SLC7A1: variants seen among roughly 807,000 people sequenced by gnomAD.
SLC7A1 encodes the protein solute carrier family 7 member 1.
A neutral mutation model predicts 53.9 loss-of-function variants in SLC7A1; 10 were observed. That is an observed-to-expected ratio of 0.19 (90% CI 0.11 to 0.31). The LOEUF (loss-of-function observed/expected upper bound fraction) is 0.31. SLC7A1 is among the 10% of genes least tolerant of loss of function. The probability of loss-of-function intolerance (pLI) is 1.00; values close to 1 mark genes in which losing one functional copy is unlikely to be tolerated. For missense variants in SLC7A1, 525 were observed against 827.2 expected, an observed-to-expected ratio of 0.63 and a Z score of 4.48; for synonymous variants, 342 against 338.7, an observed-to-expected ratio of 1.01 and a Z score of -0.11.
intron 6 of SLC7A1, 136 bp from the exon 7 acceptor site, chr13:29,523,624 T>C: frequency 1.5e-6 from 1 of 666,142 alleles, no homozygotes; most frequent in Non-Finnish European, 2.6e-6. Context: ...CTCAGCCCTG[T>C]GGGCACTGGG....
chr13:29,542,872 G>GGCCCCA (rs1869729847), intron 2 of SLC7A1, among the ~76,000 whole-genome samples: 1 of 152,062 alleles, frequency 6.6e-6, no homozygotes, highest in Non-Finnish European at 1.5e-5. Flanking sequence ...CACAGTGCAA[G>GGCCCCA]GCCCCAGTCT....
rs533871316 is a variant in SLC7A1 at position 29,589,568 on chromosome 13, G to A, written c.-115+5848C>T. ...GCCAGGTGCCTGGACTTGGGAGGGG[G>A]AAGACCCACTTTCAGAGACAGCAGA... On this transcript the variant is annotated intron_variant, in intron 1 of 12. Coordinates refer to ENST00000380752, the MANE Select transcript of SLC7A1 (RefSeq NM_003045.5). Among the ~76,000 whole-genome samples, 38 of 152,338 alleles carry A rather than the reference G, an allele frequency of 2.5e-4. 1 individual carries two copies. Among genetic ancestry groups the A allele is most frequent in the South Asian group, 1.0e-3 (5 of 4,826 alleles).
At position 29,543,479 on chromosome 13, in the gene SLC7A1, C is replaced by T. The variant is rs138680853; in HGVS notation, c.-14-7277G>A. On this transcript the variant is annotated intron_variant, in intron 2 of 12. Transcript: ENST00000380752. ...AGAAAGCCTGAGAGCCCTGCCTCCC[C>T]GCCACACGCTTCTGCCTACTGACTC... Among the ~76,000 whole-genome samples, 1,079 of 152,328 alleles carry T rather than the reference C, an allele frequency of 7.1e-3. 8 individuals are homozygous for T. Among genetic ancestry groups the T allele is most frequent in the African/African-American group, 0.024 (1,008 of 41,570 alleles).
intron 1 of SLC7A1, among the ~76,000 whole-genome samples, chr13:29,593,515 T>G (rs1285424670): frequency 2.0e-5 from 3 of 152,236 alleles, no homozygotes; most frequent in African/African-American, 7.2e-5. Context: ...TATTCACATT[T>G]CAAATTTGTC....
At chr13:29,590,171 G>A (rs1872049360) in intron 1 of SLC7A1, among the ~76,000 whole-genome samples, 1 of 152,094 alleles carries the variant, frequency 6.6e-6, no homozygotes, top group African/African-American at 2.4e-5. Flanking sequence ...GGTGGGTGTC[G>A]CCCACCACCC....
Position 29,550,554 on chromosome 13 carries a change from C to T in SLC7A1, c.-15+3207G>A, listed in dbSNP as rs1014033526. 1.2e-4 allele frequency among the ~76,000 whole-genome samples: 18 copies of T among 152,310 alleles called. 1 individual carries two copies. Among genetic ancestry groups the T allele is most frequent in the East Asian group, 1.9e-4 (1 of 5,180 alleles). On this transcript the variant is annotated intron_variant, in intron 2 of 12. Transcript: ENST00000380752. ...AGATGCAGGCAGCTGCTAGGAACTGCGAGTGGCCTCTGGGAGCTGACAGCA... is the reference window on the plus strand; with the variant it reads ...AGATGCAGGCAGCTGCTAGGAACTGTGAGTGGCCTCTGGGAGCTGACAGCA...
At chr13:29,516,976 TG>T in intron 11 of SLC7A1, 167 bp downstream of exon 11, 1 of 564,760 alleles carries the variant, frequency 1.8e-6, no homozygotes, top group Non-Finnish European at 3.0e-6. Flanking sequence ...TTCCAGGGTC[TG>T]GTCCTCTCTG....
chr13:29,592,115 T>TC (rs34299140), intron 1 of SLC7A1, among the ~76,000 whole-genome samples: 1 of 152,232 alleles, frequency 6.6e-6, no homozygotes, highest in East Asian at 1.9e-4. Context: ...TGGTCCCAAC[T>TC]CCCCTCAAAG....
intron 2 of SLC7A1, among the ~76,000 whole-genome samples, chr13:29,545,412 T>C (rs952013240): frequency 5.3e-5 from 8 of 152,002 alleles, no homozygotes; most frequent in African/African-American, 1.9e-4. Context: ...TAGGCCCAAA[T>C]TCATTGTGTT....
intron 1 of SLC7A1, chr13:29,586,653 T>C (rs891927746): frequency 6.6e-6 from 1 of 152,120 alleles, no homozygotes; most frequent in African/African-American, 2.4e-5. Flanking sequence ...AGAGACATCA[T>C]TAAATAGAAC....
intron 1 of SLC7A1, among the ~76,000 whole-genome samples, chr13:29,580,415 T>G (rs1161165033): frequency 3.1e-4 from 47 of 152,174 alleles, no homozygotes; most frequent in Non-Finnish European, 6.2e-4. Flanking sequence ...AGTGGCTTCA[T>G]AACTGCCTCC....
chr13:29,578,818 T>C (rs1220585139), intron 1 of SLC7A1, among the ~76,000 whole-genome samples: 1 of 152,268 alleles, frequency 6.6e-6, no homozygotes, highest in Non-Finnish European at 1.5e-5. Context: ...CAGACTTTAA[T>C]GAGTCCTCTT....
At chr13:29,570,860 A>T (rs1395539169) in intron 1 of SLC7A1, among the ~76,000 whole-genome samples, 3 of 129,046 alleles carry the variant, frequency 2.3e-5, no homozygotes, top group Admixed American at 7.3e-5. Flanking sequence ...TTTGTCTCAA[A>T]AAAAAAAAAA....
chr13:29,519,340 T>G, intron 9 of SLC7A1, 107 bp downstream of exon 9: 1 of 661,684 alleles, frequency 1.5e-6, no homozygotes. Flanking sequence ...AATGGAGCTA[T>G]CACCAACCTA....
chr13:29,586,034 A>G (rs1400592569), intron 1 of SLC7A1, among the ~76,000 whole-genome samples: 1 of 152,262 alleles, frequency 6.6e-6, no homozygotes, highest in Admixed American at 6.5e-5. Flanking sequence ...AGAGTAAGTA[A>G]GAAGAAGCTG....
At position 29,567,628 on chromosome 13, in the gene SLC7A1, T is replaced by TTG. The variant is rs1269696499; in HGVS notation, c.-114-13769_-114-13768insCA. Reference sequence around the variant, plus strand: ...AAGCTCCTGCCACACTCCTGGGTGTTTACAAGCTGCTGGGTACAACTCCCT... The same window carrying TTG: ...AAGCTCCTGCCACACTCCTGGGTGTTTGTACAAGCTGCTGGGTACAACTCCCT... On this transcript the variant is annotated intron_variant, in intron 1 of 12. Coordinates refer to ENST00000380752, the MANE Select transcript of SLC7A1 (RefSeq NM_003045.5). 7.2e-5 allele frequency among the ~76,000 whole-genome samples: 11 copies of TTG among 152,260 alleles called. No homozygotes were observed. The East Asian group carries it at 2.1e-3, about 29-fold the overall frequency.
intron 1 of SLC7A1, among the ~76,000 whole-genome samples, chr13:29,587,841 C>T (rs1443616936): frequency 6.6e-6 from 1 of 151,712 alleles, no homozygotes; most frequent in Non-Finnish European, 1.5e-5. Flanking sequence ...CTCCCACAGC[C>T]CCAGGACTTG....
At chr13:29,559,692 T>C (rs1870648697) in intron 1 of SLC7A1, among the ~76,000 whole-genome samples, 1 of 152,064 alleles carries the variant, frequency 6.6e-6, no homozygotes, top group African/African-American at 2.4e-5. Context: ...TACCGCAACA[T>C]TTTTACTTTA....
chr13:29,594,501 G>C (rs1872226693), intron 1 of SLC7A1, among the ~76,000 whole-genome samples: 1 of 152,254 alleles, frequency 6.6e-6, no homozygotes, highest in Non-Finnish European at 1.5e-5. Flanking sequence ...AGCTGAACCA[G>C]CAGGCTGTTG....
Sources: gnomAD v4.1 joint callset for allele counts (sites outside exome capture counted in the v4.1 genomes callset) on GRCh38, gnomAD v4.1.1 for gene constraint, MANE v1.5 for transcripts, NCBI Gene and HGNC (gene_info 2026-07-23, HGNC 2026-07-21) for gene names.